RIMS2: variants seen among roughly 807,000 people sequenced by gnomAD.
The protein encoded by RIMS2 is regulating synaptic membrane exocytosis 2.
In RIMS2, 59 loss-of-function variants were observed where a neutral mutation model predicts 174.4. The observed-to-expected ratio is 0.34, with a 90% CI of 0.27 to 0.42. The LOEUF is 0.42. Ranked by LOEUF, RIMS2 falls within the 10% of genes least tolerant of loss-of-function variation. The pLI is 1.00. For missense variants in RIMS2, 1,620 were observed against 1,666.3 expected, an observed-to-expected ratio of 0.97 and a Z score of 0.48; for synonymous variants, 606 against 572.5, an observed-to-expected ratio of 1.06 and a Z score of -0.84.
rs147555982 is a variant in RIMS2, at chr8:103,980,570, T to A, written c.2927+5064T>A. Among the ~76,000 whole-genome samples the A allele has an allele frequency of 2.0e-5, 3 of 152,212 alleles. No individual in the cohort carries two copies. In the East Asian group the frequency reaches 5.8e-4, roughly 30 times the overall value. ...GAGAGAAAACTAAGGTGACTTTGTC[T>A]TGCACCTTAGATGTCAGCTCAGCCA... On this transcript the variant is annotated intron_variant, in intron 16 of 23. Transcript: ENST00000504942.
intron 2 of RIMS2, among the ~76,000 whole-genome samples, chr8:103,704,187 A>G (rs975973243): frequency 7.4e-5 from 11 of 149,516 alleles, no homozygotes; most frequent in African/African-American, 2.7e-4. Flanking sequence ...AGATTTAAAA[A>G]TCATTATTAA....
intron 19 of RIMS2, among the ~76,000 whole-genome samples, chr8:104,107,224 C>T (rs1188029362): frequency 6.6e-6 from 1 of 152,114 alleles, no homozygotes; most frequent in Non-Finnish European, 1.5e-5. Context: ...CTTCTGGTTT[C>T]TTTTTGAGTA....
intron 1 of RIMS2, among the ~76,000 whole-genome samples, chr8:103,601,084 A>G (rs2094713977): frequency 6.6e-6 from 1 of 152,028 alleles, no homozygotes; most frequent in Non-Finnish European, 1.5e-5. Flanking sequence ...GCGTTGTTTG[A>G]GCTCCTTATA....
chr8:104,000,012 G>A (rs748862089), intron 17 of RIMS2, among the ~76,000 whole-genome samples: 2 of 151,636 alleles, frequency 1.3e-5, no homozygotes, highest in African/African-American at 2.4e-5. Context: ...GATTTAGTAT[G>A]TATATTTACA....
intron 2 of RIMS2, among the ~76,000 whole-genome samples, chr8:103,742,695 G>A (rs1047422828): frequency 1.3e-5 from 2 of 152,082 alleles, no homozygotes; most frequent in African/African-American, 4.8e-5. Context: ...AATGTGAATA[G>A]TTTTCTTTAG....
chr8:103,700,390 CTCTCTCTT>C (rs950876601), intron 2 of RIMS2, among the ~76,000 whole-genome samples: 1 of 151,458 alleles, frequency 6.6e-6, no homozygotes, highest in African/African-American at 2.4e-5. Context: ...AGACCAAGTA[CTCTCTCTT>C]TCTCTCTGTC....
chr8:103,570,594 T>C (rs1344947883), intron 1 of RIMS2, among the ~76,000 whole-genome samples: 1 of 152,206 alleles, frequency 6.6e-6, no homozygotes, highest in Non-Finnish European at 1.5e-5. Flanking sequence ...CTTAGGAGCA[T>C]GGAATTGTGT....
chr8:103,839,994 C>T (rs1333156007), intron 3 of RIMS2, among the ~76,000 whole-genome samples: 1 of 152,152 alleles, frequency 6.6e-6, no homozygotes, highest in Non-Finnish European at 1.5e-5. Context: ...GTTCCTAATA[C>T]TACAGTTGGA....
chr8:103,695,215 A>G (rs955113686), intron 1 of RIMS2, among the ~76,000 whole-genome samples: 7 of 152,082 alleles, frequency 4.6e-5, no homozygotes, highest in African/African-American at 1.4e-4. Context: ...AGTTGCTATA[A>G]TCTCCCACCT....
chr8:103,915,504 G>C (rs761254484), exon 7 of RIMS2: 2 of 1,594,152 alleles, frequency 1.3e-6, no homozygotes, highest in East Asian at 4.5e-5. Flanking sequence ...GGTTGTAGGA[G>C]GAAAGATGAC....
At chr8:104,015,344 G>T in intron 19 of RIMS2, 1 of 624,200 alleles carries the variant, frequency 1.6e-6, no homozygotes, top group East Asian at 2.9e-5. Flanking sequence ...AATTTCTGTT[G>T]TTTTTAACCC....
chr8:103,626,592 G>A (rs2134979999), intron 1 of RIMS2, among the ~76,000 whole-genome samples: 1 of 152,262 alleles, frequency 6.6e-6, no homozygotes, highest in South Asian at 2.1e-4. Flanking sequence ...TGCATATATT[G>A]ATCTAATACC....
intron 1 of RIMS2, among the ~76,000 whole-genome samples, chr8:103,646,301 C>A (rs185294008): frequency 3.9e-5 from 6 of 152,082 alleles, no homozygotes; most frequent in African/African-American, 1.4e-4. Context: ...ATGTGTGCCA[C>A]GTGAGGTAGA....
At chr8:104,005,535 A>T (rs2095543075) in intron 17 of RIMS2, among the ~76,000 whole-genome samples, 1 of 152,200 alleles carries the variant, frequency 6.6e-6, no homozygotes, top group Admixed American at 6.5e-5. Flanking sequence ...TCAAAAATAC[A>T]GAAGAGAATT....
chr8:103,886,338 T>G, intron 4 of RIMS2, 115 bp downstream of exon 7: 1 of 853,240 alleles, frequency 1.2e-6, no homozygotes, highest in Non-Finnish European at 1.8e-6. Context: ...ATTTTAAAAG[T>G]CTTTTAATGG....
At chr8:103,734,533 C>G (rs900895475) in intron 2 of RIMS2, among the ~76,000 whole-genome samples, 2 of 149,456 alleles carry the variant, frequency 1.3e-5, no homozygotes, top group African/African-American at 4.9e-5. Context: ...TCCATTGTTT[C>G]TCAGGTGAAA....
At chr8:104,108,829 A>T (rs1412020458) in intron 19 of RIMS2, among the ~76,000 whole-genome samples, 1 of 152,118 alleles carries the variant, frequency 6.6e-6, no homozygotes, top group Admixed American at 6.6e-5. Flanking sequence ...ATTTCTGTAT[A>T]CCACAGAGTA....
intron 1 of RIMS2, among the ~76,000 whole-genome samples, chr8:103,664,747 GCCATTTGACCCAGAAAT>G (rs2096647198): frequency 6.6e-6 from 1 of 152,106 alleles, no homozygotes; most frequent in Admixed American, 6.5e-5. Context: ...AACTAGAAAT[GCCATTTGACCCAGAAAT>G]CCTATTACTG....
At chr8:103,840,352 T>A (rs4734733) in intron 3 of RIMS2, among the ~76,000 whole-genome samples, 61,034 of 151,940 alleles carry the variant, frequency 0.4, 12,721 homozygotes, top group African/African-American at 0.44. Context: ...TCTAAAAATC[T>A]TTGGTTATTT....
Sources: allele counts gnomAD v4.1 joint callset (sites outside exome capture counted in the v4.1 genomes callset), GRCh38; gene constraint gnomAD v4.1.1; transcripts MANE v1.5; gene names NCBI Gene and HGNC (gene_info 2026-07-23, HGNC 2026-07-21).